CSGALNACT2: variants seen among roughly 807,000 people sequenced by gnomAD.
CSGALNACT2 encodes chondroitin sulfate N-acetylgalactosaminyltransferase 2, also known as beta 4 GalNAcT-2.
A neutral mutation model predicts 55.3 loss-of-function variants in CSGALNACT2; 35 were observed. The ratio of observed to expected loss-of-function variants is 0.63; its 90% CI spans 0.48 to 0.84. The LOEUF (loss-of-function observed/expected upper bound fraction) is 0.84, where lower values mean the gene tolerates loss of function less well. Ranked by LOEUF, CSGALNACT2 falls within the 40% of genes least tolerant of loss-of-function variation. The pLI is 0.00. For missense variants in CSGALNACT2, 544 were observed against 657.5 expected, an observed-to-expected ratio of 0.83 and a Z score of 1.89; for synonymous variants, 196 against 224.9, an observed-to-expected ratio of 0.87 and a Z score of 1.15.
intron 6 of CSGALNACT2, among the ~76,000 whole-genome samples, chr10:43,172,169 A>T (rs1839395759): frequency 6.6e-6 from 1 of 152,350 alleles, no homozygotes. Context: ...TGATGGTAAT[A>T]TGCATAAATT....
At chr10:43,160,037 T>G (rs1839111297) in intron 3 of CSGALNACT2, among the ~76,000 whole-genome samples, 1 of 152,236 alleles carries the variant, frequency 6.6e-6, no homozygotes, top group Admixed American at 6.5e-5. Flanking sequence ...TTTCTTGGAA[T>G]TACTTTCAAA....
chr10:43,159,395 C>A (rs890653664), intron 3 of CSGALNACT2, among the ~76,000 whole-genome samples: 1 of 151,878 alleles, frequency 6.6e-6, no homozygotes, highest in Non-Finnish European at 1.5e-5. Context: ...ACCTCCTGGG[C>A]TCAAGTGATC....
chr10:43,158,441 A>G (rs1839066192), intron 2 of CSGALNACT2, among the ~76,000 whole-genome samples: 2 of 152,332 alleles, frequency 1.3e-5, no homozygotes, highest in South Asian at 2.1e-4. Context: ...AGGCTCTAGT[A>G]TTTTTAAAAA....
intron 3 of CSGALNACT2, among the ~76,000 whole-genome samples, 182 bp from the exon 4 acceptor site, chr10:43,160,312 A>C (rs1229128876): frequency 6.6e-6 from 1 of 152,220 alleles, no homozygotes; most frequent in Non-Finnish European, 1.5e-5. Context: ...ATGGCCCTCC[A>C]AGGGGTGCAC....
intron 5 of CSGALNACT2, 68 bp downstream of exon 5, chr10:43,164,112 G>A: frequency 7.7e-7 from 1 of 1,298,858 alleles, no homozygotes; most frequent in Non-Finnish European, 1.0e-6. Flanking sequence ...CCTATAGTTT[G>A]AATCAAGTGA....
At chr10:43,138,874 T>C (rs1366223945) in intron 1 of CSGALNACT2, among the ~76,000 whole-genome samples, 1 of 152,210 alleles carries the variant, frequency 6.6e-6, no homozygotes, top group East Asian at 1.9e-4. Context: ...AGTGGTGACC[T>C]CGTCATCGCG....
At chr10:43,141,490 C>T (rs1340411454) in intron 1 of CSGALNACT2, among the ~76,000 whole-genome samples, 5 of 151,932 alleles carry the variant, frequency 3.3e-5, no homozygotes, top group African/African-American at 9.6e-5. Flanking sequence ...GTTGGGATTA[C>T]AGGCGTGAGC....
intron 6 of CSGALNACT2, among the ~76,000 whole-genome samples, chr10:43,167,526 C>T (rs907434003): frequency 2.0e-5 from 3 of 152,130 alleles, no homozygotes; most frequent in African/African-American, 7.2e-5. Flanking sequence ...TATATCAAAA[C>T]TTACAGTTAT....
rs1839629628 is a variant in CSGALNACT2 at position 43,183,398 on chromosome 10, C to T, written c.1485C>T (p.Thr495=). Residue 495 remains threonine (T), a synonymous_variant, in exon 8 of 8, where the codon ACC becomes ACT. Coordinates refer to ENST00000374466, the MANE Select transcript of CSGALNACT2 (RefSeq NM_018590.5). ...WHEKRCADEL[T]PEQYRMCIQS... Reference sequence around the variant, plus strand: ...AAAAGCGCTGTGCTGATGAGCTGACCCCCGAGCAGTACCGCATGTGCATCC... The same window carrying T: ...AAAAGCGCTGTGCTGATGAGCTGACTCCCGAGCAGTACCGCATGTGCATCC... The T allele has an allele frequency of 6.2e-7, 1 of 1,613,956 alleles. No homozygotes were observed. The highest frequency in any genetic ancestry group is 1.3e-5 in the African/African-American group (1 of 74,882).
chr10:43,184,469 T>C lies in CSGALNACT2; in HGVS notation c.*927T>C, dbSNP rs781556059. 18 of 152,218 alleles carry C rather than the reference T, an allele frequency of 1.2e-4. No individual in the cohort carries two copies. The highest frequency in any genetic ancestry group is 2.0e-4 in the Admixed American group (3 of 15,290). 9.4% of individuals were successfully genotyped at this position (152,218 alleles called of 1,614,324 possible). A position where few individuals can be genotyped will look rare whatever the true frequency, so the allele number is the denominator to read the frequency against. ...GGCATGGATCCATATGTATTTACTA[T>C]CCTTTTTCTAATATATTAATATATG... On this transcript the variant is annotated 3_prime_UTR_variant, in exon 8 of 8. Coordinates refer to ENST00000374466, the MANE Select transcript of CSGALNACT2 (RefSeq NM_018590.5).
At chr10:43,175,751 G>C (rs1016061766) in intron 6 of CSGALNACT2, among the ~76,000 whole-genome samples, 200 bp from the exon 7 acceptor site, 1 of 152,158 alleles carries the variant, frequency 6.6e-6, no homozygotes, top group African/African-American at 2.4e-5. Context: ...AGTAACCTCA[G>C]CTTGCACCTT....
intron 6 of CSGALNACT2, among the ~76,000 whole-genome samples, chr10:43,172,546 G>A (rs1261423578): frequency 1.3e-5 from 2 of 152,246 alleles, no homozygotes; most frequent in East Asian, 3.9e-4. Context: ...GCCTGAGTAG[G>A]CCCAGGAGGC....
intron 1 of CSGALNACT2, among the ~76,000 whole-genome samples, chr10:43,153,829 T>C (rs951637015): frequency 2.0e-5 from 3 of 152,224 alleles, no homozygotes; most frequent in Non-Finnish European, 2.9e-5. Context: ...ATTTTATAAA[T>C]GTATAAATGG....
Position 43,155,037 on chromosome 10 carries a change from G to A in CSGALNACT2, c.-113G>A, listed in dbSNP as rs907192203. 34 of 882,496 alleles carry A rather than the reference G, an allele frequency of 3.9e-5. No homozygotes were observed. The highest frequency in any genetic ancestry group is 4.7e-4 in the Middle Eastern group (2 of 4,216). 54.7% of individuals were successfully genotyped at this position (882,496 alleles called of 1,614,324 possible). On this transcript the variant is annotated 5_prime_UTR_variant, in exon 2 of 8. Transcript: ENST00000374466. ...TGAAGAAAGAAAAACTTAAAGCTAC[G>A]GCAGAATTATTTTATGGAAATTCTG...
intron 1 of CSGALNACT2, among the ~76,000 whole-genome samples, chr10:43,143,269 T>C (rs1192900165): frequency 1.3e-5 from 2 of 152,244 alleles, no homozygotes; most frequent in African/African-American, 4.8e-5. Flanking sequence ...CTTTAAAATA[T>C]TCTGTTGTAT....
chr10:43,158,987 A>G, intron 3 of CSGALNACT2, 56 bp downstream of exon 3: 2 of 1,039,140 alleles, frequency 1.9e-6, no homozygotes, highest in Non-Finnish European at 1.5e-6. Context: ...ATCACGTTTT[A>G]CTCAGATTTC....
At position 43,155,551 on chromosome 10, in the gene CSGALNACT2, C is replaced by T. The variant is rs557258013; in HGVS notation, c.402C>T (p.Ser134=). 1.1e-5 allele frequency: 18 copies of T among 1,614,202 alleles called. No individual in the cohort carries two copies. The highest frequency in any genetic ancestry group is 1.5e-5 in the Non-Finnish European group (18 of 1,180,034). ...CCCAAATTGACAAAGCTGAAGTTAG[C>T]ATAGGGGCCAAACTACCCAGTGAGT... is the stretch of plus-strand genomic sequence containing the variant. ...LHSQIDKAEV[S]IGAKLPSEYG... Residue 134 remains serine (S), a synonymous_variant, in exon 2 of 8, where the codon AGC becomes AGT. Transcript: ENST00000374466.
At chr10:43,161,808 A>C (rs1839155337) in intron 4 of CSGALNACT2, among the ~76,000 whole-genome samples, 1 of 152,160 alleles carries the variant, frequency 6.6e-6, no homozygotes, top group Admixed American at 6.5e-5. Context: ...TACTTAATTC[A>C]CAGGACCTCT....
chr10:43,182,231 C>T (rs1033475121), intron 7 of CSGALNACT2, among the ~76,000 whole-genome samples: 3 of 151,972 alleles, frequency 2.0e-5, no homozygotes, highest in Non-Finnish European at 4.4e-5. Context: ...GTCAGTTCTT[C>T]TTAAATTCTT....
Sources: gnomAD v4.1 joint callset for allele counts (sites outside exome capture counted in the v4.1 genomes callset) on GRCh38, gnomAD v4.1.1 for gene constraint, MANE v1.5 for transcripts, NCBI Gene and HGNC (gene_info 2026-07-23, HGNC 2026-07-21) for gene names.